The following APLP2 variants were observed in gnomAD, a reference collection of about 807,000 sequenced individuals.
The protein encoded by APLP2 is CDEI box-binding protein.
APLP2 carries 53 observed loss-of-function variants against 89.9 expected under a neutral mutation model. The ratio of observed to expected loss-of-function variants is 0.59; its 90% CI spans 0.47 to 0.74. The LOEUF (loss-of-function observed/expected upper bound fraction) is 0.74, where lower values mean the gene tolerates loss of function less well. Among genes scored for constraint, APLP2 ranks in the 30% least tolerant of loss-of-function variants. The probability of loss-of-function intolerance (pLI) is 0.00; values close to 1 mark genes in which losing one functional copy is unlikely to be tolerated. For missense variants in APLP2, 973 were observed against 975.9 expected, an observed-to-expected ratio of 1.00 and a Z score of 0.04; for synonymous variants, 372 against 348.6, an observed-to-expected ratio of 1.07 and a Z score of -0.75.
In APLP2 at chr11:130,069,977, G is replaced by A. The variant is rs1467903693; in HGVS notation, c.-1G>A. On this transcript the variant is annotated 5_prime_UTR_variant, in exon 1 of 17. Coordinates refer to ENST00000338167, the MANE Select transcript of APLP2 (RefSeq NM_001142276.2). ...CGCGCGCTAGAGCGACCCGGCGAGG[G>A]ATGGCGGCCACCGGGACCGCGGCCG... is the stretch of plus-strand genomic sequence containing the variant. 2.7e-6 allele frequency: 4 copies of A among 1,505,200 alleles called. No homozygotes were observed. Among genetic ancestry groups the A allele is most frequent in the Admixed American group, 4.1e-5 (2 of 48,474 alleles). 93.2% of individuals were successfully genotyped at this position (1,505,200 alleles called of 1,614,324 possible).
At chr11:130,090,247 C>CTTTTTTTTTTTTTTTTTT (rs539249012) in intron 1 of APLP2, among the ~76,000 whole-genome samples, 2 of 86,110 alleles carry the variant, frequency 2.3e-5, no homozygotes, top group Admixed American at 1.1e-4. Flanking sequence ...CTAGCTCTGT[C>CTTTTTTTTTTTTTTTTTT]TTTTTTTTTT....
At chr11:130,100,317 T>C (rs537056788) in intron 1 of APLP2, 6 of 152,146 alleles carry the variant, frequency 3.9e-5, no homozygotes, top group Non-Finnish European at 8.8e-5. Context: ...CAGTCCCTAG[T>C]GTCTCCATAC....
intron 14 of APLP2, 101 bp downstream of exon 14, chr11:130,140,584 G>A (rs938175930): frequency 1.1e-4 from 103 of 949,416 alleles, no homozygotes; most frequent in East Asian, 2.8e-4. Context: ...CTCTGTGTTC[G>A]TTTTCCGCAC....
At chr11:130,070,376 C>G (rs1448294240) in intron 1 of APLP2, among the ~76,000 whole-genome samples, 1 of 151,422 alleles carries the variant, frequency 6.6e-6, no homozygotes, top group Non-Finnish European at 1.5e-5. Flanking sequence ...GCGCCGCCAC[C>G]TCCTCCGGGG....
At chr11:130,099,097 C>T (rs1256576821) in intron 1 of APLP2, among the ~76,000 whole-genome samples, 1 of 152,128 alleles carries the variant, frequency 6.6e-6, no homozygotes, top group Non-Finnish European at 1.5e-5. Context: ...CCCAACTTCA[C>T]ACCATTTAGA....
chr11:130,127,480 G>A (rs1950511046), intron 8 of APLP2, among the ~76,000 whole-genome samples: 1 of 152,174 alleles, frequency 6.6e-6, no homozygotes, highest in African/African-American at 2.4e-5. Flanking sequence ...TGAAAAGTAG[G>A]TATTAACCTC....
intron 1 of APLP2, among the ~76,000 whole-genome samples, chr11:130,074,914 A>G (rs968710249): frequency 1.1e-4 from 17 of 152,344 alleles, no homozygotes; most frequent in African/African-American, 4.1e-4. Context: ...CAGTTGAGAG[A>G]GAATTCTAAA....
rs757971002 is a variant in APLP2 at position 130,143,403 on chromosome 11, C to G, written c.2211C>G (p.Gly737=). ...ERHLNKMQNH[G]YENPTYKYLE... Reference sequence around the variant, plus strand: ...ACCTGAACAAGATGCAGAACCATGGCTATGAGAACCCCACCTACAAATACC... The same window carrying G: ...ACCTGAACAAGATGCAGAACCATGGGTATGAGAACCCCACCTACAAATACC... Residue 737 remains glycine, a synonymous_variant, in exon 17 of 17, where the codon GGC becomes GGG. Transcript: ENST00000338167. 42 of 1,613,848 alleles carry G rather than the reference C, an allele frequency of 2.6e-5. No homozygotes were observed. Among genetic ancestry groups the G allele is most frequent in the Non-Finnish European group, 3.4e-5 (40 of 1,179,996 alleles).
rs555356536 is a variant in APLP2 at position 130,086,667 on chromosome 11, G to C, written c.105+16585G>C. The stretch of plus-strand genomic sequence containing the variant: ...TTTATAGTCTTAGCTCTTAAGCTTA[G>C]GTCTTTGATCCATTTTGAGTTCAGT... On this transcript the variant is annotated intron_variant, in intron 1 of 16. Transcript: ENST00000338167. 9.2e-5 allele frequency among the ~76,000 whole-genome samples: 14 copies of C among 152,258 alleles called. No homozygotes were observed. The South Asian group carries it at 2.7e-3, about 29-fold the overall frequency.
At chr11:130,086,913 T>C (rs1348251999) in intron 1 of APLP2, among the ~76,000 whole-genome samples, 2 of 152,222 alleles carry the variant, frequency 1.3e-5, no homozygotes, top group Non-Finnish European at 2.9e-5. Flanking sequence ...AATCAGGAAG[T>C]ATGAGTCTTC....
intron 1 of APLP2, among the ~76,000 whole-genome samples, chr11:130,072,186 T>C (rs1378810805): frequency 6.6e-6 from 1 of 152,234 alleles, no homozygotes; most frequent in Non-Finnish European, 1.5e-5. Context: ...CAAGTTCTCC[T>C]GTGTGCATGC....
chr11:130,103,613 T>C (rs1200522003), intron 1 of APLP2, among the ~76,000 whole-genome samples: 1 of 152,236 alleles, frequency 6.6e-6, no homozygotes, highest in Non-Finnish European at 1.5e-5. Flanking sequence ...TTGCGGTCTT[T>C]TAGCCAACAA....
rs572487190 is a variant in APLP2, at chr11:130,135,604, A to G, written c.1726A>G (p.Thr576Ala). 6.2e-7 allele frequency: 1 copy of G among 1,614,136 alleles called. No homozygotes were observed. The highest frequency in any genetic ancestry group is 1.1e-5 in the South Asian group (1 of 91,082). The change falls in exon 13 of 17, where the codon ACT becomes GCT. Residue 576 changes from threonine (T) to alanine (A), a missense_variant. Physicochemically the swap from Thr to Ala is moderately conservative, Grantham distance 58. Coordinates refer to ENST00000338167, the MANE Select transcript of APLP2 (RefSeq NM_001142276.2). ...QEQRADMDQFTASISETPVDV... is the reference protein window; with the variant it reads ...QEQRADMDQFAASISETPVDV... ...GCAGCGTGCAGATATGGACCAGTTC[A>G]CTGCCTCAATCTCAGAGACCCCTGT... is the stretch of plus-strand genomic sequence containing the variant.
intron 16 of APLP2, among the ~76,000 whole-genome samples, chr11:130,142,353 A>G (rs1952525010): frequency 6.6e-6 from 1 of 151,714 alleles, no homozygotes; most frequent in Non-Finnish European, 1.5e-5. Flanking sequence ...TTCTCAGATT[A>G]TTTCCTTAGT....
At position 130,121,739 on chromosome 11, in the gene APLP2, A is replaced by AGAAGAGGAAGAGGAAGATGAAGAG; in HGVS notation, c.672_695dup (p.Glu224_Glu231dup). 5 of 1,613,104 alleles carry AGAAGAGGAAGAGGAAGATGAAGAG rather than the reference A, an allele frequency of 3.1e-6. No individual in the cohort carries two copies. In the African/African-American group the frequency reaches 5.4e-5, roughly 17 times the overall value. On this transcript the variant is annotated inframe_insertion, in exon 5 of 17. Transcript: ENST00000338167. The stretch of plus-strand genomic sequence containing the variant: ...CAAAGATTATTGGATCTGTGTCAAA[A>AGAAGAGGAAGAGGAAGATGAAGAG]GAAGAGGAAGAGGAAGATGAAGAGG...
chr11:130,072,469 A>G (rs1019890039), intron 1 of APLP2, among the ~76,000 whole-genome samples: 2 of 130,098 alleles, frequency 1.5e-5, no homozygotes, highest in Non-Finnish European at 3.1e-5. Context: ...TGATAGGAAT[A>G]TCGTCTTTTT....
chr11:130,132,470 C>T (rs972120451), intron 11 of APLP2, among the ~76,000 whole-genome samples: 22 of 151,996 alleles, frequency 1.4e-4, no homozygotes, highest in African/African-American at 5.3e-4. Context: ...TCTAACCAGG[C>T]GGGGATGACT....
intron 9 of APLP2, 143 bp downstream of exon 9, chr11:130,127,983 CT>C: frequency 1.5e-6 from 1 of 674,920 alleles, no homozygotes; most frequent in Non-Finnish European, 2.5e-6. Flanking sequence ...GCCTGTTTTT[CT>C]TTTTCACCTC....
At chr11:130,108,439 A>G (rs1948091673) in intron 1 of APLP2, among the ~76,000 whole-genome samples, 1 of 152,270 alleles carries the variant, frequency 6.6e-6, no homozygotes, top group African/African-American at 2.4e-5. Flanking sequence ...TATGCAGCCA[A>G]CAGACACATG....
Sources: gnomAD v4.1 joint callset for allele counts (sites outside exome capture counted in the v4.1 genomes callset) on GRCh38, gnomAD v4.1.1 for gene constraint, MANE v1.5 for transcripts, NCBI Gene and HGNC (gene_info 2026-07-23, HGNC 2026-07-21) for gene names.